Variants in F8 observed in about 807,000 individuals in gnomAD.
F8 encodes coagulation factor VIII.
F8 carries 12 observed loss-of-function variants against 140.6 expected under a neutral mutation model. That is an observed-to-expected ratio of 0.09 (90% CI 0.05 to 0.14). F8 has a LOEUF of 0.14. Ranked by LOEUF, F8 falls within the 10% of genes least tolerant of loss-of-function variation. The pLI, the probability that F8 is intolerant of heterozygous loss-of-function variation, is 1.00. For synonymous variants in F8, 585 were observed against 614.6 expected (o/e 0.95, Z 0.71); for missense variants, 1,354 against 1,720.7 (o/e 0.79, Z 3.77).
chrX:154,953,862 C>T (rs782130707), intron 12 of F8, 30 bp downstream of exon 12: 83 of 1,208,280 alleles, frequency 6.9e-5, no homozygotes, highest in Admixed American at 3.7e-4. Flanking sequence ...TTATTCACCA[C>T]CCACTGGACT....
At chrX:155,012,228 T>C (rs1167154857) in intron 1 of F8, among the ~76,000 whole-genome samples, 2 of 112,563 alleles carry the variant, frequency 1.8e-5, no homozygotes, top group Non-Finnish European at 3.7e-5. Context: ...TTTTACAGTA[T>C]GTAAATCATA....
chrX:154,900,070 T>A, intron 20 of F8, 119 bp from the exon 21 acceptor site: 1 of 582,231 alleles, frequency 1.7e-6, no homozygotes, highest in Non-Finnish European at 2.8e-6. Flanking sequence ...GAGAAAAACA[T>A]AAAGGCTTTA....
At chrX:154,879,388 A>T (rs2072842095) in intron 22 of F8, among the ~76,000 whole-genome samples, 2 of 112,150 alleles carry the variant, frequency 1.8e-5, no homozygotes, top group Admixed American at 1.9e-4. Context: ...CCAGCTTATA[A>T]TGGTTGGACT....
At chrX:154,893,155 G>A (rs1177619489) in intron 22 of F8, among the ~76,000 whole-genome samples, 1 of 111,736 alleles carries the variant, frequency 8.9e-6, no homozygotes, top group Admixed American at 9.5e-5. Flanking sequence ...TGGAAGCCCC[G>A]CCTCGCTTCC....
chrX:154,944,392 T>A (rs1822603904), intron 13 of F8, among the ~76,000 whole-genome samples: 1 of 110,973 alleles, frequency 9.0e-6, no homozygotes, highest in African/African-American at 3.3e-5. Context: ...AAGAAGACAT[T>A]TATGCAGCCA....
intron 14 of F8, among the ~76,000 whole-genome samples, chrX:154,913,431 C>A: frequency 9.0e-6 from 1 of 111,621 alleles, no homozygotes; most frequent in Non-Finnish European, 1.9e-5. Context: ...AACAGTCCCC[C>A]AAAGTGTTAG....
chrX:154,865,009 T>G (rs1557273075), intron 22 of F8, among the ~76,000 whole-genome samples: 1 of 111,517 alleles, frequency 9.0e-6, no homozygotes, highest in Non-Finnish European at 1.9e-5. Context: ...ACCAAATACA[T>G]TAAACCCACA....
At chrX:154,920,715 A>G (rs1305489804) in intron 14 of F8, among the ~76,000 whole-genome samples, 2 of 111,527 alleles carry the variant, frequency 1.8e-5, no homozygotes, top group African/African-American at 6.5e-5. Context: ...GGCCCCCACA[A>G]AGTGTTGGGA....
chrX:154,998,103 T>G (rs1339743273), intron 2 of F8, among the ~76,000 whole-genome samples: 4 of 112,785 alleles, frequency 3.5e-5, no homozygotes, highest in African/African-American at 1.3e-4. Flanking sequence ...TCCCTTTTCT[T>G]GCACTTTGGT....
chrX:154,909,130 G>A, intron 14 of F8: 1 of 272,035 alleles, frequency 3.7e-6, no homozygotes, highest in Non-Finnish European at 7.1e-6. Context: ...CCCAAGAAGA[G>A]CTTCATTTAA....
At chrX:154,984,222 G>A (rs1557284002) in intron 6 of F8, among the ~76,000 whole-genome samples, 1 of 111,379 alleles carries the variant, frequency 9.0e-6, no homozygotes, top group African/African-American at 3.3e-5. Context: ...AAGCCAGCCT[G>A]CCTCTATGCC....
At chrX:154,859,763 A>C (rs1021489954) in intron 25 of F8, among the ~76,000 whole-genome samples, 1 of 111,424 alleles carries the variant, frequency 9.0e-6, no homozygotes, top group East Asian at 2.8e-4. Flanking sequence ...TGGATAAGGG[A>C]ATTCTTCTTG....
chrX:154,896,506 T>TAC lies in F8; in HGVS notation c.6274-276_6274-275dup, dbSNP rs57253105. On this transcript the variant is annotated intron_variant, in intron 21 of 25. Transcript: ENST00000360256. ...ACCAAATCATTGAGCCCCCATTTCG[T>TAC]ACACACACACACACACACACACACA... 8.2e-3 allele frequency among the ~76,000 whole-genome samples: 807 copies of TAC among 98,982 alleles called. 6 individuals carry two copies. The highest frequency in any genetic ancestry group is 0.044 in the East Asian group (136 of 3,113). The allele number at this position is 98,982 out of a possible 115,157, so 86.0% of individuals were successfully genotyped here.
At chrX:154,931,791 T>C in intron 13 of F8, 115 bp from the exon 14 acceptor site, 1 of 628,560 alleles carries the variant, frequency 1.6e-6, no homozygotes, top group Non-Finnish European at 2.5e-6. Flanking sequence ...AGTATCATTA[T>C]ATCACAGGTC....
At chrX:154,848,089 T>G (rs2072584281) in intron 25 of F8, among the ~76,000 whole-genome samples, 1 of 112,830 alleles carries the variant, frequency 8.9e-6, no homozygotes, top group African/African-American at 3.2e-5. Flanking sequence ...CAGCAGAGGC[T>G]GCAGAAGAGC....
chrX:155,021,268 T>C (rs1295903532), intron 1 of F8, among the ~76,000 whole-genome samples: 2 of 110,987 alleles, frequency 1.8e-5, no homozygotes, highest in African/African-American at 3.3e-5. Context: ...TGGGGTTACC[T>C]AGCTGAGGTG....
At chrX:154,904,120 T>C in intron 17 of F8, 32 bp from the exon 18 acceptor site, 1 of 1,201,353 alleles carries the variant, frequency 8.3e-7, no homozygotes, top group Non-Finnish European at 1.1e-6. Flanking sequence ...CCTGTTAAAA[T>C]CTATTATATA....
chrX:154,961,036 T>C (rs1162892828), intron 10 of F8, 39 bp downstream of exon 10: 1 of 894,875 alleles, frequency 1.1e-6, no homozygotes, highest in African/African-American at 2.0e-5. Flanking sequence ...CATCTGTATC[T>C]ACAGGTAAAA....
rs782139806 is a variant in F8, at chrX:154,931,345, C to G, written c.2445G>C (p.Gln815His). ...SSSDLLMLLR[Q>H]SPTPHGLSLS... ...AGGATAGCCCATGTGGAGTAGGACT[C>G]TGTCGCAAGAGCATCAACAAATCAC... Residue 815 changes from glutamine (Q) to histidine (H), a missense_variant, in exon 14 of 26, where the codon CAG becomes CAC. Transcript: ENST00000360256. The G allele has an allele frequency of 7.4e-6, 9 of 1,210,581 alleles. No homozygotes were observed. The highest frequency in any genetic ancestry group is 1.0e-5 in the Non-Finnish European group (9 of 894,429).
Sources: gnomAD v4.1 joint callset for allele counts (sites outside exome capture counted in the v4.1 genomes callset) on GRCh38, gnomAD v4.1.1 for gene constraint, MANE v1.5 for transcripts, NCBI Gene and HGNC (gene_info 2026-07-23, HGNC 2026-07-21) for gene names.